The following ATP8A1 variants were observed in gnomAD, a reference collection of about 807,000 sequenced individuals.
ATP8A1 encodes ATPase phospholipid transporting 8A1.
In ATP8A1, 90 loss-of-function variants were observed where a neutral mutation model predicts 177.7. The observed-to-expected ratio is 0.51, with a 90% CI of 0.43 to 0.60. The LOEUF is 0.60. Ranked by LOEUF, ATP8A1 falls within the 20% of genes least tolerant of loss-of-function variation. The pLI, the probability that ATP8A1 is intolerant of heterozygous loss-of-function variation, is 0.00. For synonymous variants in ATP8A1, 493 were observed against 485.9 expected (o/e 1.01, Z -0.19); for missense variants, 1,072 against 1,392.8 (o/e 0.77, Z 3.67).
At chr4:42,537,350 A>C (rs1727955304) in intron 20 of ATP8A1, among the ~76,000 whole-genome samples, 1 of 152,036 alleles carries the variant, frequency 6.6e-6, no homozygotes, top group Non-Finnish European at 1.5e-5. Flanking sequence ...TCCCCCGAGA[A>C]CTGGAACAAG....
intron 1 of ATP8A1, among the ~76,000 whole-genome samples, chr4:42,636,156 A>ACACGCGCGCGCGCGCG (rs565139270): frequency 1.1e-5 from 1 of 90,898 alleles, no homozygotes; most frequent in Non-Finnish European, 2.6e-5. Flanking sequence ...ACACACACAC[A>ACACGCGCGCGCGCGCG]CGCACACACA....
intron 33 of ATP8A1, among the ~76,000 whole-genome samples, chr4:42,424,759 C>G (rs769097612): frequency 4.6e-5 from 7 of 152,164 alleles, no homozygotes; most frequent in Non-Finnish European, 1.0e-4. Context: ...ATTTTTTCTG[C>G]ATTGACATGA....
intron 1 of ATP8A1, among the ~76,000 whole-genome samples, chr4:42,643,368 G>C (rs764683242): frequency 2.0e-5 from 3 of 152,106 alleles, no homozygotes; most frequent in African/African-American, 4.8e-5. Context: ...TTTGACACAT[G>C]GGACTTTCTC....
chr4:42,555,122 TATCTATCTATCTATCTAATCTATCTATC>T (rs869251440), intron 16 of ATP8A1, among the ~76,000 whole-genome samples: 40 of 93,684 alleles, frequency 4.3e-4, no homozygotes, highest in Middle Eastern at 4.4e-3. Flanking sequence ...TCTATCTATC[TATCTATCTATCTATCTAATCTATCTATC>T]TATCTATCTA....
chr4:42,571,001 T>C (rs1168368966), intron 14 of ATP8A1, among the ~76,000 whole-genome samples: 1 of 152,244 alleles, frequency 6.6e-6, no homozygotes, highest in Non-Finnish European at 1.5e-5. Flanking sequence ...GGAAATCATG[T>C]GAACTTTTGC....
At chr4:42,586,230 G>A in intron 9 of ATP8A1, 119 bp downstream of exon 9, 1 of 1,142,200 alleles carries the variant, frequency 8.8e-7, no homozygotes. Flanking sequence ...GCTTTAAAAA[G>A]GGTTTTGAGG....
chr4:42,519,296 G>A (rs1317347706), intron 22 of ATP8A1, among the ~76,000 whole-genome samples: 1 of 151,918 alleles, frequency 6.6e-6, no homozygotes, highest in Non-Finnish European at 1.5e-5. Flanking sequence ...CTCCCCCTAT[G>A]TTCCCCCAGG....
intron 20 of ATP8A1, among the ~76,000 whole-genome samples, chr4:42,527,469 C>T (rs1726796139): frequency 6.6e-6 from 1 of 152,162 alleles, no homozygotes; most frequent in African/African-American, 2.4e-5. Flanking sequence ...CCTCTCTGAA[C>T]CATGTTGCCA....
chr4:42,513,524 T>A (rs933188255), intron 22 of ATP8A1, among the ~76,000 whole-genome samples: 26 of 151,408 alleles, frequency 1.7e-4, no homozygotes, highest in African/African-American at 4.6e-4. Context: ...TGGGGAGAGG[T>A]GGGGAAGGAT....
chr4:42,434,276 T>C (rs1203604769), intron 33 of ATP8A1, among the ~76,000 whole-genome samples: 1 of 152,188 alleles, frequency 6.6e-6, no homozygotes, highest in Non-Finnish European at 1.5e-5. Context: ...CAGTGTTCAA[T>C]ATATTTACTT....
At chr4:42,611,179 C>A (rs1266609717) in intron 5 of ATP8A1, among the ~76,000 whole-genome samples, 1 of 152,134 alleles carries the variant, frequency 6.6e-6, no homozygotes, top group Non-Finnish European at 1.5e-5. Flanking sequence ...GGGAAGTAGT[C>A]TTGTTAGTGG....
intron 11 of ATP8A1, 140 bp downstream of exon 11, chr4:42,579,673 G>T: frequency 1.2e-6 from 1 of 816,200 alleles, no homozygotes; most frequent in Non-Finnish European, 1.9e-6. Context: ...AAATCTCACT[G>T]AAAAATAAAG....
intron 1 of ATP8A1, among the ~76,000 whole-genome samples, chr4:42,633,726 C>G (rs776379303): frequency 2.0e-5 from 3 of 152,164 alleles, no homozygotes; most frequent in Admixed American, 1.3e-4. Context: ...CAATGCCTGG[C>G]ACGTAGTAAG....
chr4:42,455,649 G>A (rs1718403766), intron 27 of ATP8A1, 50 bp from the exon 28 acceptor site: 8 of 1,534,670 alleles, frequency 5.2e-6, no homozygotes, highest in Middle Eastern at 2.0e-4. Flanking sequence ...AAGCATAAAT[G>A]CATTGCTTAG....
Position 42,504,281 on chromosome 4 carries a change from G to A in ATP8A1, c.2087-767C>T, listed in dbSNP as rs77084330. ...CTCATATCCAAGTACTTACTTAACC[G>A]CAGACACTTACATAGGAAGTAGGCA... On this transcript the variant is annotated intron_variant, in intron 23 of 36. Coordinates refer to ENST00000381668, the MANE Select transcript of ATP8A1 (RefSeq NM_006095.2). Among the ~76,000 whole-genome samples the A allele has an allele frequency of 7.9e-3, 1,204 of 152,054 alleles. 17 individuals carry two copies. The highest frequency in any genetic ancestry group is 0.027 in the African/African-American group (1,130 of 41,478).
chr4:42,635,782 C>CACATATATATATAT (rs1553920597), intron 1 of ATP8A1, among the ~76,000 whole-genome samples: 16 of 51,982 alleles, frequency 3.1e-4, no homozygotes, highest in South Asian at 8.5e-4. Context: ...CACACACACA[C>CACATATATATATAT]ATATATATAT....
At chr4:42,452,319 C>G (rs1157897958) in intron 29 of ATP8A1, among the ~76,000 whole-genome samples, 2 of 151,700 alleles carry the variant, frequency 1.3e-5, no homozygotes, top group Non-Finnish European at 2.9e-5. Context: ...AAATTTCTGC[C>G]TGAAAAAGAA....
At chr4:42,629,933 G>A (rs1196541036) in intron 1 of ATP8A1, among the ~76,000 whole-genome samples, 3 of 152,164 alleles carry the variant, frequency 2.0e-5, no homozygotes, top group Non-Finnish European at 4.4e-5. Context: ...AAAGAGAAAC[G>A]GACTCTTCCA....
chr4:42,448,841 T>G (rs1414708812), intron 30 of ATP8A1, among the ~76,000 whole-genome samples: 1 of 139,140 alleles, frequency 7.2e-6, no homozygotes, highest in Non-Finnish European at 1.6e-5. Context: ...TTTTTTTTTT[T>G]TTTTTTTTTT....
Sources: allele counts gnomAD v4.1 joint callset (sites outside exome capture counted in the v4.1 genomes callset), GRCh38; gene constraint gnomAD v4.1.1; transcripts MANE v1.5; gene names NCBI Gene and HGNC (gene_info 2026-07-23, HGNC 2026-07-21).